LRBA: variants seen among roughly 807,000 people sequenced by gnomAD.
The protein encoded by LRBA is LPS responsive beige-like anchor protein.
Under a neutral mutation model 330.0 loss-of-function variants are expected in LRBA, and 176 were observed. That is an observed-to-expected ratio of 0.53 (90% CI 0.47 to 0.60). The LOEUF (loss-of-function observed/expected upper bound fraction) is 0.60. Ranked by LOEUF, LRBA falls within the 20% of genes least tolerant of loss-of-function variation. The pLI, the probability that LRBA is intolerant of heterozygous loss-of-function variation, is 0.00. For missense variants in LRBA, 3,259 were observed against 3,444.8 expected (o/e 0.95, Z 1.35); for synonymous variants, 1,230 against 1,193.0 (o/e 1.03, Z -0.64).
intron 47 of LRBA, among the ~76,000 whole-genome samples, chr4:150,409,951 A>G (rs1746725417): frequency 1.3e-5 from 2 of 152,174 alleles, no homozygotes; most frequent in Non-Finnish European, 2.9e-5. Flanking sequence ...AGATACCCTC[A>G]GCTAACAATA....
chr4:150,945,100 A>G (rs1265465988), intron 2 of LRBA, among the ~76,000 whole-genome samples: 1 of 152,204 alleles, frequency 6.6e-6, no homozygotes, highest in Non-Finnish European at 1.5e-5. Flanking sequence ...ATGAAAATGG[A>G]CTAATACAAC....
At chr4:150,971,783 A>G (rs1312684998) in intron 2 of LRBA, among the ~76,000 whole-genome samples, 1 of 152,190 alleles carries the variant, frequency 6.6e-6, no homozygotes, top group Non-Finnish European at 1.5e-5. Context: ...TGGCCCAAAG[A>G]GGAAGGGAAA....
intron 36 of LRBA, among the ~76,000 whole-genome samples, chr4:150,733,045 TTG>T (rs1302515438): frequency 1.3e-5 from 2 of 152,086 alleles, no homozygotes; most frequent in African/African-American, 2.4e-5. Flanking sequence ...AATATAATAG[TTG>T]TGTCTTAAAT....
chr4:150,567,290 A>G (rs1769261073), intron 40 of LRBA, among the ~76,000 whole-genome samples: 1 of 152,164 alleles, frequency 6.6e-6, no homozygotes, highest in African/African-American at 2.4e-5. Context: ...TAGGATAACA[A>G]GATGCTCTTT....
intron 36 of LRBA, among the ~76,000 whole-genome samples, chr4:150,725,293 A>T (rs566311112): frequency 3.3e-5 from 5 of 152,154 alleles, no homozygotes; most frequent in Non-Finnish European, 7.4e-5. Context: ...ACCTCTGGGC[A>T]TCTAATAATC....
At chr4:150,677,276 T>C (rs574498125) in intron 37 of LRBA, among the ~76,000 whole-genome samples, 3 of 152,226 alleles carry the variant, frequency 2.0e-5, no homozygotes, top group African/African-American at 7.2e-5. Flanking sequence ...AATTCTGCAA[T>C]ATAAATTGAT....
chr4:150,649,641 A>G (rs1185249807), intron 37 of LRBA, among the ~76,000 whole-genome samples: 1 of 152,122 alleles, frequency 6.6e-6, no homozygotes, highest in Non-Finnish European at 1.5e-5. Context: ...TATACATTTC[A>G]TATAAACATC....
intron 40 of LRBA, among the ~76,000 whole-genome samples, chr4:150,547,910 T>C (rs901022564): frequency 6.6e-6 from 1 of 152,138 alleles, no homozygotes; most frequent in African/African-American, 2.4e-5. Flanking sequence ...TTTACACTAA[T>C]AATTTTTCGC....
At chr4:150,360,457 C>T (rs1204213705) in intron 47 of LRBA, among the ~76,000 whole-genome samples, 1 of 152,040 alleles carries the variant, frequency 6.6e-6, no homozygotes, top group Non-Finnish European at 1.5e-5. Context: ...TTTACACTTA[C>T]AATGGACAGC....
chr4:150,607,490 C>T (rs1215328795), intron 37 of LRBA, among the ~76,000 whole-genome samples: 2 of 151,172 alleles, frequency 1.3e-5, no homozygotes, highest in African/African-American at 4.9e-5. Flanking sequence ...GTTAAACAGG[C>T]CTGACTGGGA....
chr4:150,515,922 A>T (rs1762284204), intron 40 of LRBA, among the ~76,000 whole-genome samples: 1 of 152,056 alleles, frequency 6.6e-6, no homozygotes, highest in Admixed American at 6.5e-5. Flanking sequence ...GTACAATCTG[A>T]ACACCCAAAA....
At chr4:150,910,576 T>C (rs1425253334) in intron 9 of LRBA, among the ~76,000 whole-genome samples, 1 of 152,186 alleles carries the variant, frequency 6.6e-6, no homozygotes, top group African/African-American at 2.4e-5. Context: ...CATAGCCTTG[T>C]AATAAATTTT....
intron 35 of LRBA, among the ~76,000 whole-genome samples, chr4:150,756,681 A>G (rs1271823600): frequency 6.6e-6 from 1 of 152,202 alleles, no homozygotes; most frequent in Non-Finnish European, 1.5e-5. Context: ...ATACATAACA[A>G]TGTAACCTAC....
intron 36 of LRBA, among the ~76,000 whole-genome samples, chr4:150,729,913 T>C (rs1314818412): frequency 1.3e-5 from 2 of 152,142 alleles, no homozygotes; most frequent in Non-Finnish European, 2.9e-5. Context: ...CTCTTCAATA[T>C]ATGGCACTGG....
Position 150,565,230 on chromosome 4 carries a change from T to C in LRBA, c.6330+22818A>G, listed in dbSNP as rs145870017. 3.9e-3 allele frequency among the ~76,000 whole-genome samples: 600 copies of C among 152,178 alleles called. 1 individual carries two copies. Among genetic ancestry groups the C allele is most frequent in the African/African-American group, 0.013 (555 of 41,526 alleles). On this transcript the variant is annotated intron_variant, in intron 40 of 56. Transcript: ENST00000651943. ...AGGACATGGATGAAACTGGAAGCCA[T>C]CATCCTCAGCAAACACAGGAACCAA... is the stretch of plus-strand genomic sequence containing the variant.
chr4:150,648,102 A>G (rs1340150134), intron 37 of LRBA, among the ~76,000 whole-genome samples: 5 of 145,036 alleles, frequency 3.4e-5, no homozygotes, highest in African/African-American at 5.0e-5. Flanking sequence ...AACATTTATG[A>G]GCTAGGAGAA....
At chr4:150,906,136 G>C in intron 12 of LRBA, 146 bp from the exon 13 acceptor site, 4 of 809,278 alleles carry the variant, frequency 4.9e-6, no homozygotes, top group Admixed American at 2.5e-5. Flanking sequence ...TTGTTTGATA[G>C]AGGAATGGAG....
chr4:150,674,139 A>G (rs72959837), intron 37 of LRBA, among the ~76,000 whole-genome samples: 2,800 of 152,092 alleles, frequency 0.018, 85 homozygotes, highest in African/African-American at 0.064. Context: ...GTTCTAACTA[A>G]GAACAGTATT....
intron 47 of LRBA, among the ~76,000 whole-genome samples, chr4:150,392,855 G>T (rs570321102): frequency 2.0e-5 from 3 of 151,416 alleles, no homozygotes; most frequent in South Asian, 2.1e-4. Flanking sequence ...ATCGAGGGGT[G>T]GGGGGCAAGA....
Sources: allele counts gnomAD v4.1 joint callset (sites outside exome capture counted in the v4.1 genomes callset), GRCh38; gene constraint gnomAD v4.1.1; transcripts MANE v1.5; gene names NCBI Gene and HGNC (gene_info 2026-07-23, HGNC 2026-07-21).